Variants in SORBS2 observed in about 807,000 individuals in gnomAD.
SORBS2 encodes sorbin and SH3 domain-containing protein 2.
Under a neutral mutation model 97.7 loss-of-function variants are expected in SORBS2, and 46 were observed. The ratio of observed to expected loss-of-function variants is 0.47; its 90% CI spans 0.37 to 0.60. SORBS2 has a LOEUF of 0.60. Among genes scored for constraint, SORBS2 ranks in the 20% least tolerant of loss-of-function variants. The probability of loss-of-function intolerance (pLI) is 0.00; values close to 1 mark genes in which losing one functional copy is unlikely to be tolerated. For missense variants in SORBS2, 1,316 were observed against 1,282.3 expected (o/e 1.03, Z -0.40); for synonymous variants, 476 against 473.4 (o/e 1.01, Z -0.07).
chr4:185,807,025 C>T (rs2099159840), intron 1 of SORBS2, among the ~76,000 whole-genome samples: 1 of 152,240 alleles, frequency 6.6e-6, no homozygotes, highest in African/African-American at 2.4e-5. Flanking sequence ...TTGTAATTTA[C>T]TTTAACCACT....
At chr4:185,937,976 C>T (rs960246169) in intron 1 of SORBS2, among the ~76,000 whole-genome samples, 3 of 151,292 alleles carry the variant, frequency 2.0e-5, no homozygotes, top group African/African-American at 7.3e-5. Flanking sequence ...CTGTCAGTGG[C>T]TGCCTGCCTC....
At chr4:185,802,913 CTT>C (rs2099137219) in intron 1 of SORBS2, among the ~76,000 whole-genome samples, 1 of 152,214 alleles carries the variant, frequency 6.6e-6, no homozygotes, top group Non-Finnish European at 1.5e-5. Flanking sequence ...ATAAAATACT[CTT>C]TCACTCTCTG....
chr4:185,596,825 G>A (rs968918391), intron 12 of SORBS2, among the ~76,000 whole-genome samples: 3 of 151,792 alleles, frequency 2.0e-5, no homozygotes, highest in South Asian at 2.1e-4. Flanking sequence ...GAGTCACTGC[G>A]CCCGGCCCCC....
In SORBS2 at chr4:185,864,600, C is replaced by T. The variant is rs113481498; in HGVS notation, c.-337-89234G>A. On this transcript the variant is annotated intron_variant, in intron 1 of 20. Coordinates refer to the SORBS2 transcript ENST00000284776. ...TTTAACAGTTTACTAAGAGAAAACG[C>T]CTTGGTAAGAGCAAATAGATCACTG... Among the ~76,000 whole-genome samples, 10 of 152,246 alleles carry T rather than the reference C, an allele frequency of 6.6e-5. 1 individual carries two copies. The highest frequency in any genetic ancestry group is 2.4e-4 in the African/African-American group (10 of 41,562).
chr4:185,650,747 C>A (rs1426836474), intron 2 of SORBS2, among the ~76,000 whole-genome samples: 1 of 152,066 alleles, frequency 6.6e-6, no homozygotes, highest in Non-Finnish European at 1.5e-5. Flanking sequence ...AACTTTTGAG[C>A]TAAATAAAGG....
At chr4:185,934,527 G>A (rs1231420864) in intron 1 of SORBS2, among the ~76,000 whole-genome samples, 2 of 152,076 alleles carry the variant, frequency 1.3e-5, no homozygotes, top group African/African-American at 4.8e-5. Context: ...TTGGGAGGCC[G>A]AGACAGGTGG....
chr4:185,700,705 A>G (rs909034494), intron 2 of SORBS2, among the ~76,000 whole-genome samples: 1 of 152,176 alleles, frequency 6.6e-6, no homozygotes, highest in African/African-American at 2.4e-5. Flanking sequence ...AAACAAGTCC[A>G]TCCTAGAAAT....
chr4:185,652,852 A>T, intron 1 of SORBS2, 124 bp from the exon 10 acceptor site: 2 of 745,774 alleles, frequency 2.7e-6, no homozygotes, highest in Non-Finnish European at 4.7e-6. Context: ...AAATGTTCTG[A>T]CTCTTTGCTA....
intron 2 of SORBS2, among the ~76,000 whole-genome samples, chr4:185,761,185 G>C (rs6857307): frequency 0.15 from 23,423 of 152,124 alleles, 1,938 homozygotes; most frequent in Middle Eastern, 0.24. Context: ...TGAATTCATA[G>C]CTGCCATCAG....
At chr4:185,699,426 A>T (rs528151753) in intron 2 of SORBS2, among the ~76,000 whole-genome samples, 1 of 151,528 alleles carries the variant, frequency 6.6e-6, no homozygotes, top group African/African-American at 2.4e-5. Flanking sequence ...AGCTGGGGTT[A>T]CCGGTGTGTG....
intron 1 of SORBS2, among the ~76,000 whole-genome samples, chr4:185,822,272 G>T (rs1175388675): frequency 6.6e-6 from 1 of 152,162 alleles, no homozygotes; most frequent in Admixed American, 6.5e-5. Flanking sequence ...GCATTACCAG[G>T]AAAAGTGGAG....
At chr4:185,884,460 A>G (rs2099238367) in intron 1 of SORBS2, among the ~76,000 whole-genome samples, 1 of 152,218 alleles carries the variant, frequency 6.6e-6, no homozygotes, top group Non-Finnish European at 1.5e-5. Flanking sequence ...GTTTTTTAAA[A>G]TAAAAAAGTT....
At chr4:185,688,276 G>GT (rs2098011148) in intron 2 of SORBS2, among the ~76,000 whole-genome samples, 2 of 151,980 alleles carry the variant, frequency 1.3e-5, no homozygotes, top group Non-Finnish European at 2.9e-5. Context: ...TTAAAAGAAT[G>GT]CTTTTTAGCC....
chr4:185,747,672 C>T (rs1442928009), intron 2 of SORBS2, among the ~76,000 whole-genome samples: 1 of 152,146 alleles, frequency 6.6e-6, no homozygotes, highest in Admixed American at 6.5e-5. Context: ...TCGTCCTCCC[C>T]CAGCCTGCAC....
intron 1 of SORBS2, among the ~76,000 whole-genome samples, chr4:185,846,942 G>C (rs2099214879): frequency 6.6e-6 from 1 of 152,138 alleles, no homozygotes; most frequent in Non-Finnish European, 1.5e-5. Flanking sequence ...GGAAAGGAAA[G>C]AATGATAACA....
chr4:185,850,806 A>T (rs1226644999), intron 1 of SORBS2, among the ~76,000 whole-genome samples: 1 of 152,134 alleles, frequency 6.6e-6, no homozygotes, highest in Non-Finnish European at 1.5e-5. Flanking sequence ...TCTGGAAGAG[A>T]TGAGCATTTG....
chr4:185,671,730 C>A (rs956170698), intron 4 of SORBS2, among the ~76,000 whole-genome samples: 1 of 152,190 alleles, frequency 6.6e-6, no homozygotes, highest in Non-Finnish European at 1.5e-5. Flanking sequence ...CTCTTTTGCT[C>A]TGTGGATAAC....
At chr4:185,709,304 C>T (rs1257535460) in intron 2 of SORBS2, among the ~76,000 whole-genome samples, 169 of 96,718 alleles carry the variant, frequency 1.7e-3, no homozygotes, top group African/African-American at 3.4e-3. Context: ...CTGGCCAAAT[C>T]TTTTTTTTTT....
At chr4:185,944,455 A>G (rs1289954951) in intron 1 of SORBS2, among the ~76,000 whole-genome samples, 1 of 152,250 alleles carries the variant, frequency 6.6e-6, no homozygotes, top group African/African-American at 2.4e-5. Context: ...GAGACCAGAT[A>G]TGAATTTACA....
Sources: allele counts gnomAD v4.1 joint callset (sites outside exome capture counted in the v4.1 genomes callset), GRCh38; gene constraint gnomAD v4.1.1; transcripts MANE v1.5; gene names NCBI Gene and HGNC (gene_info 2026-07-23, HGNC 2026-07-21).